KIAA1210: variants seen among roughly 807,000 people sequenced by gnomAD.
KIAA1210 encodes the protein acrosomal protein KIAA1210.
In KIAA1210, 48 loss-of-function variants were observed where a neutral mutation model predicts 78.9. The observed-to-expected ratio is 0.61, with a 90% CI of 0.48 to 0.77. The LOEUF is 0.77. Ranked by LOEUF, KIAA1210 falls within the 30% of genes least tolerant of loss-of-function variation. The pLI is 0.00. For missense variants in KIAA1210, 1,108 were observed against 1,100.0 expected (o/e 1.01, Z -0.10); for synonymous variants, 406 against 404.5 (o/e 1.00, Z -0.04).
In KIAA1210 at chrX:119,094,138, G is replaced by A. The variant is rs745761677; in HGVS notation, c.847-363C>T. 9.2e-6 allele frequency: 8 copies of A among 869,625 alleles called. No individual in the cohort carries two copies. The African/African-American group carries it at 9.9e-5, about 11-fold the overall frequency. 71.7% of individuals were successfully genotyped at this position (869,625 alleles called of 1,213,427 possible). A position where few individuals can be genotyped will look rare whatever the true frequency, so the allele number is the denominator to read the frequency against. On this transcript the variant is annotated intron_variant, in intron 7 of 11. Coordinates refer to ENST00000691062, the MANE Select transcript of KIAA1210 (RefSeq NM_001394962.1). ...TGGGCCTGACAACAATCATGCCCTC[G>A]GCCATATTGGGATTCTCCGATTTGC...
At chrX:119,150,179 C>T in intron 1 of KIAA1210, 3 of 809,208 alleles carry the variant, frequency 3.7e-6, no homozygotes, top group Non-Finnish European at 5.2e-6. Context: ...AGTCTCTCTC[C>T]CTGGTCTGTC....
chrX:119,145,553 T>C (rs755642566), intron 2 of KIAA1210, among the ~76,000 whole-genome samples: 1 of 110,958 alleles, frequency 9.0e-6, no homozygotes, highest in African/African-American at 3.3e-5. Flanking sequence ...CCACTACCAG[T>C]CTGTAGCCTG....
intron 4 of KIAA1210, 77 bp from the exon 5 acceptor site, chrX:119,108,548 A>G: frequency 9.1e-7 from 1 of 1,099,844 alleles, no homozygotes; most frequent in South Asian, 2.2e-5. Context: ...TGCCAAAATA[A>G]TTATTCTTAT....
chrX:119,100,578 A>G (rs1331419825), intron 6 of KIAA1210, among the ~76,000 whole-genome samples: 2 of 111,720 alleles, frequency 1.8e-5, no homozygotes, highest in Non-Finnish European at 3.8e-5. Flanking sequence ...GTTCGTATAA[A>G]TCTAAGGGGT....
intron 2 of KIAA1210, among the ~76,000 whole-genome samples, chrX:119,122,853 C>T (rs2147190471): frequency 8.9e-6 from 1 of 111,934 alleles, no homozygotes; most frequent in Non-Finnish European, 1.9e-5. Context: ...AGCCAGGCCC[C>T]CAGGAAGCCA....
In KIAA1210 at chrX:119,116,565, C is replaced by G. The variant is rs756335711; in HGVS notation, c.161G>C (p.Ser54Thr). Residue 54 changes from serine (S) to threonine (T), a missense_variant, in exon 3 of 12, where the codon AGC (serine) becomes ACC (threonine). Around this residue, in one of 5 missense-constraint regions of KIAA1210, gnomAD observed 672 missense variants for 607.1 expected, o/e 1.11. Transcript: ENST00000691062. Reference sequence around the variant, plus strand: ...GATGTTAATGTTGCTGCTGGACAAGCTCAGTTCTAGCATTTCTTCTTCCTG... The same window carrying G: ...GATGTTAATGTTGCTGCTGGACAAGGTCAGTTCTAGCATTTCTTCTTCCTG... ...DTQEEEMLEL[S>T]LSSSNINISS... is the part of the protein sequence containing the mutation. The G allele has an allele frequency of 1.7e-6, 2 of 1,211,267 alleles. No homozygotes were observed. The highest frequency in any genetic ancestry group is 2.2e-6 in the Non-Finnish European group (2 of 894,931).
chrX:119,147,861 C>G (rs1427539776), intron 1 of KIAA1210, among the ~76,000 whole-genome samples: 1 of 112,314 alleles, frequency 8.9e-6, no homozygotes, highest in African/African-American at 3.2e-5. Flanking sequence ...CAAAGTTGCC[C>G]TGGGCTAGGC....
intron 10 of KIAA1210, among the ~76,000 whole-genome samples, chrX:119,084,507 T>C (rs1307306205): frequency 8.9e-6 from 1 of 111,960 alleles, no homozygotes; most frequent in Non-Finnish European, 1.9e-5. Flanking sequence ...GTATAAAATA[T>C]CTGTAAAGAT....
chrX:119,132,377 G>C (rs1928813788), upstream of KIAA1210, among the ~76,000 whole-genome samples: 1 of 111,514 alleles, frequency 9.0e-6, no homozygotes. Flanking sequence ...GCCAAAACTG[G>C]GGTAGGTTTG....
At chrX:119,123,877 G>C (rs1316773351) in intron 1 of KIAA1210, among the ~76,000 whole-genome samples, 1 of 112,095 alleles carries the variant, frequency 8.9e-6, no homozygotes, top group African/African-American at 3.2e-5. Flanking sequence ...CAAATACGTA[G>C]ACACAGAGAA....
chrX:119,116,543 G>T lies in KIAA1210; in HGVS notation c.183C>A (p.Asn61Lys). Residue 61 changes from asparagine (N) to lysine (K), a missense_variant, in exon 3 of 12, where the codon AAC becomes AAA. Physicochemically the swap from Asn to Lys is moderately conservative, Grantham distance 94 (BLOSUM62 0). This residue lies in a region of KIAA1210 where 672 missense variants were observed against 607.1 expected (regional missense o/e 1.11). Transcript: ENST00000691062. ...CCCGAACGGGCTGCAGAGAAGAGAT[G>T]TTAATGTTGCTGCTGGACAAGCTCA... ...LELSLSSSNI[N>K]ISSLQPVREN... 1 of 1,211,779 alleles carries T rather than the reference G, an allele frequency of 8.3e-7. No homozygotes were observed. The highest frequency in any genetic ancestry group is 1.1e-6 in the Non-Finnish European group (1 of 895,278).
chrX:119,107,297 A>G (rs111723223), intron 5 of KIAA1210, among the ~76,000 whole-genome samples: 1 of 112,676 alleles, frequency 8.9e-6, no homozygotes, highest in Non-Finnish European at 1.9e-5. Context: ...AATTTTTTTA[A>G]AAAAATGGAA....
chrX:119,120,612 CT>C (rs1470683517), intron 2 of KIAA1210, among the ~76,000 whole-genome samples: 1 of 112,470 alleles, frequency 8.9e-6, no homozygotes, highest in African/African-American at 3.2e-5. Context: ...GACTTTGGAA[CT>C]GTAACAGGTG....
intron 6 of KIAA1210, among the ~76,000 whole-genome samples, chrX:119,102,583 T>C (rs778877304): frequency 1.6e-4 from 18 of 110,869 alleles, no homozygotes; most frequent in African/African-American, 5.9e-4. Flanking sequence ...CGGAGACTTA[T>C]TTGTATACAA....
At position 119,081,238 on chromosome X, in the gene KIAA1210, A is replaced by G. The variant is rs187736216; in HGVS notation, c.*91T>C. ...GCGGAGATCGCGCCACTGCACTCCA[A>G]TCTGGGTAACAGAGCGAGACTCTGT... is the stretch of plus-strand genomic sequence containing the variant. On this transcript the variant is annotated 3_prime_UTR_variant, in exon 12 of 12. Transcript: ENST00000691062. The G allele has an allele frequency of 2.8e-5, 23 of 807,537 alleles. No homozygotes were observed. The African/African-American group carries it at 4.0e-4, about 14-fold the overall frequency. The allele number at this position is 807,537 out of a possible 1,213,427, so 66.6% of individuals were successfully genotyped here.
chrX:119,082,416 A>C (rs73213129), intron 11 of KIAA1210, among the ~76,000 whole-genome samples: 2 of 111,787 alleles, frequency 1.8e-5, no homozygotes, highest in Non-Finnish European at 3.8e-5. Context: ...TTCAATAAAA[A>C]TCCATCATCC....
At chrX:119,118,249 A>G (rs1005440481) in intron 2 of KIAA1210, among the ~76,000 whole-genome samples, 8 of 111,874 alleles carry the variant, frequency 7.2e-5, no homozygotes, top group African/African-American at 1.6e-4. Flanking sequence ...TTCACTATCA[A>G]TTAGCTCTGT....
intron 7 of KIAA1210, 88 bp downstream of exon 7, chrX:119,096,406 A>C: frequency 2.3e-6 from 2 of 881,741 alleles, no homozygotes; most frequent in South Asian, 5.2e-5. Context: ...CTCCTACACC[A>C]TACTATTTCC....
Position 119,109,099 on chromosome X carries a change from G to T in KIAA1210, c.334C>A (p.Pro112Thr). 1.7e-6 allele frequency: 2 copies of T among 1,208,174 alleles called. No individual in the cohort carries two copies. The highest frequency in any genetic ancestry group is 2.2e-6 in the Non-Finnish European group (2 of 892,852). ...ACCTGCTGAGGTCTGCCTCTCTGGG[G>T]ATCCATAGAAGGAAACATTTTACTT... ...SASKMFPSMDPQRGRPQQRSH... is the reference protein window; with the variant it reads ...SASKMFPSMDTQRGRPQQRSH... Residue 112 changes from proline to threonine, a missense_variant, in exon 4 of 12, where the codon CCC becomes ACC. By Grantham distance (38) the Pro-to-Thr change is conservative. Transcript: ENST00000691062.
Sources: allele counts gnomAD v4.1 joint callset (sites outside exome capture counted in the v4.1 genomes callset), GRCh38; gene constraint gnomAD v4.1.1; regional missense constraint gnomAD v4.1.1; transcripts MANE v1.5; gene names NCBI Gene and HGNC (gene_info 2026-07-23, HGNC 2026-07-21).